TNS1: variants seen among roughly 807,000 people sequenced by gnomAD.
TNS1 encodes the protein tensin 1.
In TNS1, 62 loss-of-function variants were observed where a neutral mutation model predicts 168.6. That is an observed-to-expected ratio of 0.37 (90% CI 0.30 to 0.45). The LOEUF (loss-of-function observed/expected upper bound fraction) is 0.45, where lower values mean the gene tolerates loss of function less well. Ranked by LOEUF, TNS1 falls within the 20% of genes least tolerant of loss-of-function variation. The pLI is 1.00. For missense variants in TNS1, 2,240 were observed against 2,339.4 expected (o/e 0.96, Z 0.88); for synonymous variants, 934 against 933.2 (o/e 1.00, Z -0.02).
At chr2:217,922,794 C>A (rs1401310406) in intron 3 of TNS1, among the ~76,000 whole-genome samples, 4 of 152,336 alleles carry the variant, frequency 2.6e-5, no homozygotes, top group Middle Eastern at 3.4e-3. Flanking sequence ...AGCCCCAGCC[C>A]AAGGGCCTGA....
chr2:217,860,411 G>A (rs1948671213), intron 18 of TNS1, among the ~76,000 whole-genome samples: 1 of 152,156 alleles, frequency 6.6e-6, no homozygotes. Flanking sequence ...CCAGGGGAGG[G>A]GAAGCAGAGG....
At chr2:217,939,713 G>C (rs941242718) in intron 3 of TNS1, among the ~76,000 whole-genome samples, 80 of 152,270 alleles carry the variant, frequency 5.3e-4, no homozygotes, top group African/African-American at 1.8e-3. Context: ...CACACCCAGG[G>C]CTGAGCTACA....
At chr2:217,931,374 A>G (rs1380367692) in intron 3 of TNS1, among the ~76,000 whole-genome samples, 3 of 152,172 alleles carry the variant, frequency 2.0e-5, no homozygotes, top group Non-Finnish European at 2.9e-5. Context: ...GGTGCATGGG[A>G]AAAAAATCTA....
rs967909135 is a variant in TNS1, at chr2:217,804,049, C to T, written c.*410G>A. The T allele has an allele frequency of 1.9e-5, 3 of 156,844 alleles. No homozygotes were observed. The highest frequency in any genetic ancestry group is 7.2e-5 in the African/African-American group (3 of 41,584). 9.7% of individuals were successfully genotyped at this position (156,844 alleles called of 1,614,324 possible). Reference sequence around the variant, plus strand: ...AAAGATTCTCCCAGCTTGATTTCCCCTTGCAAAGCAGTTGAGTTAGGGAGA... The same window carrying T: ...AAAGATTCTCCCAGCTTGATTTCCCTTTGCAAAGCAGTTGAGTTAGGGAGA... On this transcript the variant is annotated 3_prime_UTR_variant, in exon 33 of 33. Transcript: ENST00000682258.
At chr2:218,031,434 T>G (rs992978786) in intron 1 of TNS1, among the ~76,000 whole-genome samples, 10 of 151,150 alleles carry the variant, frequency 6.6e-5, no homozygotes, top group African/African-American at 2.5e-4. Flanking sequence ...TAAGTGTGTG[T>G]GTGCATGTGT....
At chr2:217,837,090 G>A (rs1358424026) in intron 19 of TNS1, among the ~76,000 whole-genome samples, 4 of 152,084 alleles carry the variant, frequency 2.6e-5, no homozygotes, top group Non-Finnish European at 5.9e-5. Context: ...GGTCCCAGAG[G>A]CCAAGACCCA....
At chr2:217,867,395 A>AT (rs967769138) in intron 18 of TNS1, among the ~76,000 whole-genome samples, 9 of 152,154 alleles carry the variant, frequency 5.9e-5, no homozygotes, top group South Asian at 2.1e-4. Context: ...TCACTGCAGC[A>AT]TTTTTTTGGA....
At chr2:218,031,814 C>T (rs1052311286) in intron 1 of TNS1, among the ~76,000 whole-genome samples, 3 of 152,164 alleles carry the variant, frequency 2.0e-5, no homozygotes, top group African/African-American at 7.2e-5. Flanking sequence ...GGCTGCAGGA[C>T]CAGGCCCCAG....
intron 8 of TNS1, among the ~76,000 whole-genome samples, chr2:217,896,393 A>G (rs940861733): frequency 1.3e-5 from 2 of 152,252 alleles, no homozygotes; most frequent in Non-Finnish European, 2.9e-5. Context: ...ACCTGGATCT[A>G]GGGTGGACCC....
At chr2:217,836,631 T>C (rs940283975) in intron 19 of TNS1, among the ~76,000 whole-genome samples, 1 of 152,154 alleles carries the variant, frequency 6.6e-6, no homozygotes, top group Non-Finnish European at 1.5e-5. Flanking sequence ...GGAAGAACTC[T>C]TGGAAAGGGC....
At chr2:217,999,714 G>A (rs1180093931) in intron 1 of TNS1, among the ~76,000 whole-genome samples, 1 of 152,218 alleles carries the variant, frequency 6.6e-6, no homozygotes, top group Non-Finnish European at 1.5e-5. Flanking sequence ...TGCATGACCG[G>A]AATTGTGCAC....
rs1258250354 is a variant in TNS1, at chr2:217,813,133, T to A, written c.4954+82A>T. Reference sequence around the variant, plus strand: ...CTGGCAGAGCCTGTCAGAAAGAACTTGGGGTCAGACCCCTGGAGGAACCCA... The same window carrying A: ...CTGGCAGAGCCTGTCAGAAAGAACTAGGGGTCAGACCCCTGGAGGAACCCA... On this transcript the variant is annotated intron_variant, in intron 27 of 32. Transcript: ENST00000682258. The surrounding 1 kb of genome is among the most constrained non-coding windows in gnomAD (Gnocchi z 4.0). The A allele has an allele frequency of 1.0e-6, 1 of 973,320 alleles. No homozygotes were observed. The allele number at this position is 973,320 out of a possible 1,614,324, so 60.3% of individuals were successfully genotyped here. A position where few individuals can be genotyped will look rare whatever the true frequency, so the allele number is the denominator to read the frequency against.
At chr2:218,005,736 T>G (rs1958652231), upstream of TNS1, among the ~76,000 whole-genome samples, 1 of 152,166 alleles carries the variant, frequency 6.6e-6, no homozygotes, top group Non-Finnish European at 1.5e-5. Flanking sequence ...AGTCAATGGA[T>G]CCTAACATAT....
chr2:217,886,691 G>T, intron 12 of TNS1, 45 bp from the exon 13 acceptor site: 3 of 1,382,932 alleles, frequency 2.2e-6, no homozygotes. Context: ...GGTGGGTACT[G>T]GTGCAGTAAT....
At chr2:217,962,762 CA>C (rs1957531161) in intron 3 of TNS1, among the ~76,000 whole-genome samples, 1 of 152,122 alleles carries the variant, frequency 6.6e-6, no homozygotes, top group Non-Finnish European at 1.5e-5. Flanking sequence ...CCAAACTCAT[CA>C]GCAACAAAGA....
chr2:217,923,092 TG>T (rs934698991), intron 3 of TNS1, among the ~76,000 whole-genome samples: 2 of 152,066 alleles, frequency 1.3e-5, no homozygotes, highest in African/African-American at 4.8e-5. Context: ...CCCACAGTCC[TG>T]GAGTCCCCAG....
Position 217,806,511 on chromosome 2 carries a change from C to T in TNS1, c.5375+1564G>A, listed in dbSNP as rs934641125. ...AAAGAGGGATTTCCAGGCTTGGGGGCCCAGTTCCCTTCTGTCCCTGACCTT... is the reference window on the plus strand; with the variant it reads ...AAAGAGGGATTTCCAGGCTTGGGGGTCCAGTTCCCTTCTGTCCCTGACCTT... On this transcript the variant is annotated intron_variant, in intron 32 of 32. Transcript: ENST00000682258. 3.3e-5 allele frequency among the ~76,000 whole-genome samples: 5 copies of T among 152,306 alleles called. No individual in the cohort carries two copies. The East Asian group carries it at 9.7e-4, about 29-fold the overall frequency.
intron 20 of TNS1, 62 bp from the exon 21 acceptor site, chr2:217,835,228 G>C: frequency 6.7e-7 from 1 of 1,494,142 alleles, no homozygotes; most frequent in Non-Finnish European, 9.2e-7. Flanking sequence ...TTCCCCTTCA[G>C]ATGACCTGAG....
chr2:217,839,309 C>G (rs563247708), intron 19 of TNS1, among the ~76,000 whole-genome samples: 83 of 152,218 alleles, frequency 5.5e-4, no homozygotes, highest in African/African-American at 2.0e-3. Flanking sequence ...GAGCCCTGGG[C>G]GTTCTCTAAG....
Sources: allele counts gnomAD v4.1 joint callset (sites outside exome capture counted in the v4.1 genomes callset), GRCh38; gene constraint gnomAD v4.1.1; non-coding constraint Gnocchi (gnomAD v3.1); transcripts MANE v1.5; gene names NCBI Gene and HGNC (gene_info 2026-07-23, HGNC 2026-07-21).